Variants in AREL1 observed in about 807,000 individuals in gnomAD.
The protein encoded by AREL1 is apoptosis-resistant E3 ubiquitin protein ligase 1.
AREL1 carries 62 observed loss-of-function variants against 99.0 expected under a neutral mutation model. That is an observed-to-expected ratio of 0.63 (90% CI 0.51 to 0.77). The LOEUF (loss-of-function observed/expected upper bound fraction) is 0.77, where lower values mean the gene tolerates loss of function less well. Ranked by LOEUF, AREL1 falls within the 30% of genes least tolerant of loss-of-function variation. AREL1 has a pLI of 0.00. For missense variants in AREL1, 879 were observed against 1,027.6 expected (o/e 0.86, Z 1.98); for synonymous variants, 380 against 376.5 (o/e 1.01, Z -0.11).
intron 1 of AREL1, among the ~76,000 whole-genome samples, chr14:74,704,546 A>C (rs2090141299): frequency 6.6e-6 from 1 of 152,008 alleles, no homozygotes; most frequent in Non-Finnish European, 1.5e-5. Flanking sequence ...GCAGGGGATG[A>C]CTCTGAACAG....
intron 17 of AREL1, among the ~76,000 whole-genome samples, chr14:74,666,536 G>C (rs559157003): frequency 8.5e-5 from 13 of 152,100 alleles, no homozygotes; most frequent in Middle Eastern, 6.8e-3. Context: ...CTTTTGGTTT[G>C]TTTCCTTCAC....
chr14:74,706,359 C>T (rs1019718076), intron 1 of AREL1, among the ~76,000 whole-genome samples: 4 of 152,260 alleles, frequency 2.6e-5, no homozygotes, highest in Non-Finnish European at 4.4e-5. Context: ...AATGGTCACA[C>T]GTATACTTAA....
chr14:74,663,688 G>A lies in AREL1; in HGVS notation c.*32C>T, dbSNP rs371335066. On this transcript the variant is annotated 3_prime_UTR_variant, in exon 20 of 20. Transcript: ENST00000356357. ...AACTTGCGCCCAGAAGCTCCAGAGA[G>A]CATGGGAGCCAACTGGATGACAGGA... 312 of 1,599,070 alleles carry A rather than the reference G, an allele frequency of 2.0e-4. No individual in the cohort carries two copies. The highest frequency in any genetic ancestry group is 2.3e-4 in the Non-Finnish European group (273 of 1,167,440).
intron 5 of AREL1, among the ~76,000 whole-genome samples, chr14:74,680,529 T>C (rs2089605933): frequency 6.6e-6 from 1 of 152,156 alleles, no homozygotes. Flanking sequence ...ACAACTCCAA[T>C]ACATCTCAGC....
At chr14:74,709,568 C>G (rs1433477446) in intron 1 of AREL1, among the ~76,000 whole-genome samples, 1 of 152,192 alleles carries the variant, frequency 6.6e-6, no homozygotes, top group African/African-American at 2.4e-5. Context: ...GAATGAATGA[C>G]CAAGCGGCAG....
chr14:74,670,396 C>A (rs906406307), intron 13 of AREL1, among the ~76,000 whole-genome samples: 1 of 152,190 alleles, frequency 6.6e-6, no homozygotes, highest in Non-Finnish European at 1.5e-5. Context: ...ACCAGAACTT[C>A]TTTCAGCCAA....
chr14:74,683,482 T>C lies in AREL1; in HGVS notation c.295A>G (p.Arg99Gly). 1 of 1,614,106 alleles carries C rather than the reference T, an allele frequency of 6.2e-7. No individual in the cohort carries two copies. Among genetic ancestry groups the C allele is most frequent in the African/African-American group, 1.3e-5 (1 of 75,020 alleles). ...AGCTCGACATGAGAGATGTGAACTCTTAGTCCCACAGGCCGATGTGCAGGG... is the reference window on the plus strand; with the variant it reads ...AGCTCGACATGAGAGATGTGAACTCCTAGTCCCACAGGCCGATGTGCAGGG... ...PFPAHRPVGLRVHISHVELAV... is the reference protein window; with the variant it reads ...PFPAHRPVGLGVHISHVELAV... Residue 99 changes from arginine (R) to glycine (G), a missense_variant, in exon 5 of 20, where the codon AGA becomes GGA. Transcript: ENST00000356357.
At position 74,676,622 on chromosome 14, in the gene AREL1, G is replaced by A; in HGVS notation, c.612C>T (p.Ser204=). 1 of 1,613,974 alleles carries A rather than the reference G, an allele frequency of 6.2e-7. No individual in the cohort carries two copies. Among genetic ancestry groups the A allele is most frequent in the Non-Finnish European group, 8.5e-7 (1 of 1,179,960 alleles). Residue 204 remains serine (S), a synonymous_variant, in exon 6 of 20, where the codon TCC becomes TCT. Transcript: ENST00000356357. ...EYDNPTNNSM[S]LRDEHNYTLS... Reference sequence around the variant, plus strand: ...AGGTGTAATTGTGCTCATCTCTCAAGGACATGGAATTGTTGGTGGGATTAT... The same window carrying A: ...AGGTGTAATTGTGCTCATCTCTCAAAGACATGGAATTGTTGGTGGGATTAT...
chr14:74,668,175 G>C (rs1246333164), intron 15 of AREL1, among the ~76,000 whole-genome samples: 1 of 152,162 alleles, frequency 6.6e-6, no homozygotes, highest in Non-Finnish European at 1.5e-5. Context: ...TATTTGGCCT[G>C]AACTTTCCTC....
rs112954165 is a variant in AREL1, at chr14:74,673,252, A to G, written c.1159-34T>C. The stretch of plus-strand genomic sequence containing the variant: ...GAAAAACAAAGAAATTAATCTATAA[A>G]ACCCTCAAGGCCAGTAAAAGTCCTC... On this transcript the variant is annotated intron_variant, in intron 9 of 19. Coordinates refer to ENST00000356357, the MANE Select transcript of AREL1 (RefSeq NM_001039479.2). The G allele has an allele frequency of 3.0e-5, 49 of 1,610,288 alleles. No homozygotes were observed. In the African/African-American group the frequency reaches 4.0e-4, roughly 13 times the overall value.
intron 17 of AREL1, among the ~76,000 whole-genome samples, chr14:74,666,199 T>C (rs978756343): frequency 4.0e-5 from 6 of 151,892 alleles, no homozygotes; most frequent in African/African-American, 1.5e-4. Context: ...AAAATTACTT[T>C]TTCCCCCATT....
intron 2 of AREL1, among the ~76,000 whole-genome samples, chr14:74,688,244 C>T (rs2089792640): frequency 6.6e-6 from 1 of 151,928 alleles, no homozygotes; most frequent in Admixed American, 6.6e-5. Context: ...CCAGGATGGT[C>T]TCGATCTCAT....
At chr14:74,684,747 G>C (rs1204994687) in intron 3 of AREL1, 67 bp from the exon 4 acceptor site, 1 of 1,437,468 alleles carries the variant, frequency 7.0e-7, no homozygotes, top group Non-Finnish European at 9.7e-7. Context: ...TTATGCAACA[G>C]GCCAGCCATT....
intron 1 of AREL1, among the ~76,000 whole-genome samples, chr14:74,703,927 C>T (rs761734099): frequency 1.3e-5 from 2 of 152,202 alleles, no homozygotes; most frequent in African/African-American, 2.4e-5. Context: ...TTTACCAAAG[C>T]GGCTGGACCA....
At chr14:74,712,298 G>A (rs1421845420) in intron 1 of AREL1, among the ~76,000 whole-genome samples, 1 of 152,066 alleles carries the variant, frequency 6.6e-6, no homozygotes, top group Non-Finnish European at 1.5e-5. Context: ...GACACCCAGA[G>A]GGTCCACGGA....
chr14:74,684,896 C>T (rs2089715480), intron 3 of AREL1, among the ~76,000 whole-genome samples: 1 of 152,220 alleles, frequency 6.6e-6, no homozygotes, highest in Admixed American at 6.5e-5. Flanking sequence ...AGCCCACCCA[C>T]TGCCTATTTT....
At chr14:74,707,122 C>T (rs1241879063) in intron 1 of AREL1, among the ~76,000 whole-genome samples, 1 of 152,176 alleles carries the variant, frequency 6.6e-6, no homozygotes, top group Admixed American at 6.5e-5. Context: ...AATCCCAGCA[C>T]TTTGGGAGGC....
intron 1 of AREL1, among the ~76,000 whole-genome samples, chr14:74,696,744 C>T (rs1361302775): frequency 6.6e-6 from 1 of 152,144 alleles, no homozygotes; most frequent in Non-Finnish European, 1.5e-5. Flanking sequence ...GTGGGCAGAT[C>T]ACCTGAGGTC....
intron 5 of AREL1, among the ~76,000 whole-genome samples, chr14:74,678,889 G>T (rs896137855): frequency 1.3e-5 from 2 of 152,036 alleles, no homozygotes; most frequent in Admixed American, 1.3e-4. Flanking sequence ...GGATGCACTG[G>T]ATTTCTTTCT....
Sources: gnomAD v4.1 joint callset for allele counts (sites outside exome capture counted in the v4.1 genomes callset) on GRCh38, gnomAD v4.1.1 for gene constraint, MANE v1.5 for transcripts, NCBI Gene and HGNC (gene_info 2026-07-23, HGNC 2026-07-21) for gene names.